Variants in PRICKLE2 observed in about 807,000 individuals in gnomAD.
The protein encoded by PRICKLE2 is prickle planar cell polarity protein 2, also known as prickle-like protein 2.
A neutral mutation model predicts 81.4 loss-of-function variants in PRICKLE2; 21 were observed. The observed-to-expected ratio is 0.26, with a 90% CI of 0.18 to 0.37. The LOEUF (loss-of-function observed/expected upper bound fraction) is 0.37, where lower values mean the gene tolerates loss of function less well. Ranked by LOEUF, PRICKLE2 falls within the 10% of genes least tolerant of loss-of-function variation. The pLI is 1.00. For synonymous variants in PRICKLE2, 456 were observed against 421.5 expected (o/e 1.08, Z -1.00); for missense variants, 940 against 1,109.0 (o/e 0.85, Z 2.16).
intron 1 of PRICKLE2, among the ~76,000 whole-genome samples, chr3:64,214,954 C>T (rs1214904382): frequency 1.3e-5 from 2 of 152,084 alleles, no homozygotes; most frequent in Non-Finnish European, 2.9e-5. Context: ...TCTTTACTAT[C>T]CTACTCCAAC....
At position 64,237,410 on chromosome 3, in the gene PRICKLE2, T is replaced by C. The variant is rs1456956970; in HGVS notation, c.129-38443A>G. On this transcript the variant is annotated intron_variant, in intron 2 of 8. Coordinates refer to the PRICKLE2 transcript ENST00000295902. ...CTGGAAAGGGGATTGAGTGGGAAGG[T>C]AGTCTTCCCCTGGAGTTCGGCCATC... Among the ~76,000 whole-genome samples the C allele has an allele frequency of 3.3e-5, 5 of 151,978 alleles. No homozygotes were observed. In the East Asian group the frequency reaches 9.7e-4, roughly 29 times the overall value.
At chr3:64,230,027 T>C (rs2079079870), upstream of PRICKLE2, among the ~76,000 whole-genome samples, 1 of 152,210 alleles carries the variant, frequency 6.6e-6, no homozygotes, top group African/African-American at 2.4e-5. Flanking sequence ...TGCTTCCTTC[T>C]TGTGCCTCTG....
chr3:64,189,557 C>T (rs908801196), intron 2 of PRICKLE2, among the ~76,000 whole-genome samples: 11 of 152,178 alleles, frequency 7.2e-5, no homozygotes, highest in African/African-American at 2.4e-4. Context: ...CTTTGTCCCT[C>T]GCTGACTGCG....
At chr3:64,148,319 T>TG (rs1260350734) in intron 6 of PRICKLE2, among the ~76,000 whole-genome samples, 1 of 152,236 alleles carries the variant, frequency 6.6e-6, no homozygotes, top group East Asian at 1.9e-4. Context: ...CACCCTTACC[T>TG]GCTGGAGTTT....
intron 2 of PRICKLE2, among the ~76,000 whole-genome samples, chr3:64,253,987 G>A (rs2079487898): frequency 2.0e-5 from 3 of 152,198 alleles, no homozygotes; most frequent in Non-Finnish European, 2.9e-5. Flanking sequence ...GATTACTAAT[G>A]TAGTCTCTTT....
intron 5 of PRICKLE2, chr3:64,155,109 A>C (rs2077609028): frequency 7.2e-6 from 1 of 139,860 alleles, no homozygotes; most frequent in Non-Finnish European, 1.5e-5. Flanking sequence ...AGATCATGCC[A>C]CTGCACTCCA....
intron 7 of PRICKLE2, chr3:64,105,772 T>C (rs893835988): frequency 5.9e-5 from 9 of 152,166 alleles, no homozygotes; most frequent in Non-Finnish European, 1.3e-4. Context: ...ACACTCCAAC[T>C]TGAGAAGCAC....
intron 7 of PRICKLE2, among the ~76,000 whole-genome samples, chr3:64,116,419 C>A (rs1325646375): frequency 6.6e-6 from 1 of 151,466 alleles, no homozygotes; most frequent in Non-Finnish European, 1.5e-5. Flanking sequence ...AGCTGGTTTT[C>A]TTGAAAAAAA....
At position 64,245,720 on chromosome 3, in the gene PRICKLE2, C is replaced by T. The variant is rs965505858; in HGVS notation, c.129-46753G>A. Among the ~76,000 whole-genome samples the T allele has an allele frequency of 5.9e-5, 9 of 152,190 alleles. No individual in the cohort carries two copies. The South Asian group carries it at 8.3e-4, about 14-fold the overall frequency. ...ATTCCTGAGAAAGTTTTAAATCCAA[C>T]GGAATGGGCAGCTAAGCATTGTTCA... On this transcript the variant is annotated intron_variant, in intron 2 of 8. Transcript: ENST00000295902.
At chr3:64,259,456 G>A (rs538879247) in intron 2 of PRICKLE2, among the ~76,000 whole-genome samples, 2 of 152,268 alleles carry the variant, frequency 1.3e-5, no homozygotes, top group African/African-American at 4.8e-5. Context: ...CGAGGAGCTC[G>A]TAGCTAAGTG....
At chr3:64,236,074 T>G (rs2079175872) in intron 2 of PRICKLE2, among the ~76,000 whole-genome samples, 1 of 152,334 alleles carries the variant, frequency 6.6e-6, no homozygotes, top group African/African-American at 2.4e-5. Context: ...CTTGGGACAA[T>G]TTCCAGAAAC....
chr3:64,220,752 T>G (rs2078939334), intron 1 of PRICKLE2, among the ~76,000 whole-genome samples: 1 of 152,144 alleles, frequency 6.6e-6, no homozygotes, highest in Non-Finnish European at 1.5e-5. Flanking sequence ...CTGGATTCTG[T>G]GCCCCCTGGA....
intron 2 of PRICKLE2, among the ~76,000 whole-genome samples, chr3:64,241,649 C>A (rs2107171471): frequency 6.6e-6 from 1 of 152,298 alleles, no homozygotes; most frequent in South Asian, 2.1e-4. Context: ...AGCTCTTGAT[C>A]TGTCCTTGAC....
chr3:64,117,552 C>A (rs1575556435), intron 7 of PRICKLE2, among the ~76,000 whole-genome samples: 1 of 152,152 alleles, frequency 6.6e-6, no homozygotes, highest in South Asian at 2.1e-4. Context: ...TCCTATATAC[C>A]AACAATAGTC....
At chr3:64,190,389 A>T (rs915246386) in intron 2 of PRICKLE2, 2 of 97,742 alleles carry the variant, frequency 2.0e-5, no homozygotes, top group African/African-American at 6.3e-5. Flanking sequence ...TCTTAACATC[A>T]CTATGTTTTT....
chr3:64,182,338 G>A (rs2078150139), intron 2 of PRICKLE2, among the ~76,000 whole-genome samples: 1 of 151,908 alleles, frequency 6.6e-6, no homozygotes, highest in Admixed American at 6.6e-5. Flanking sequence ...AATACAAAAA[G>A]TAGCTGGGAG....
chr3:64,257,951 C>A (rs1250960255), intron 2 of PRICKLE2, among the ~76,000 whole-genome samples: 1 of 152,192 alleles, frequency 6.6e-6, no homozygotes, highest in African/African-American at 2.4e-5. Context: ...TTCCCTTCCA[C>A]TGTGTGAAGA....
intron 7 of PRICKLE2, among the ~76,000 whole-genome samples, chr3:64,114,633 A>G (rs74693074): frequency 6.6e-6 from 1 of 151,664 alleles, no homozygotes; most frequent in Non-Finnish European, 1.5e-5. Flanking sequence ...GAGCTTGAAG[A>G]CTGGCTTTTT....
intron 7 of PRICKLE2, among the ~76,000 whole-genome samples, chr3:64,121,727 A>G (rs2077031340): frequency 6.6e-6 from 1 of 152,162 alleles, no homozygotes; most frequent in Non-Finnish European, 1.5e-5. Context: ...CCCTAGTCCC[A>G]TGCTGGGCAG....
Sources: allele counts gnomAD v4.1 joint callset (sites outside exome capture counted in the v4.1 genomes callset), GRCh38; gene constraint gnomAD v4.1.1; transcripts MANE v1.5; gene names NCBI Gene and HGNC (gene_info 2026-07-23, HGNC 2026-07-21).